NFE2L1: variants seen among roughly 807,000 people sequenced by gnomAD.
The protein encoded by NFE2L1 is endoplasmic reticulum membrane sensor NFE2L1.
A neutral mutation model predicts 61.6 loss-of-function variants in NFE2L1; 18 were observed. The observed-to-expected ratio is 0.29, with a 90% CI of 0.20 to 0.43. NFE2L1 has a LOEUF of 0.43. NFE2L1 is among the 20% of genes least tolerant of loss of function. NFE2L1 has a pLI of 1.00. For missense variants in NFE2L1, 827 were observed against 973.5 expected (o/e 0.85, Z 2.00); for synonymous variants, 419 against 402.7 (o/e 1.04, Z -0.48).
chr17:48,059,823 T>TCCACC lies in NFE2L1; in HGVS notation c.*183_*184insCACCC. ...CAGGCACTGGCTGGCTCAGCTCCAC[T>TCCACC]CGGGTGGAGTGGAAGTGGCCAGACC... On this transcript the variant is annotated 3_prime_UTR_variant, in exon 6 of 6. Transcript: ENST00000362042. The surrounding 1 kb of genome is among the most constrained non-coding windows in gnomAD (Gnocchi z 6.1). 2.3e-6 allele frequency: 2 copies of TCCACC among 870,000 alleles called. No individual in the cohort carries two copies. The highest frequency in any genetic ancestry group is 3.4e-6 in the Non-Finnish European group (2 of 595,322). The allele number at this position is 870,000 out of a possible 1,614,324, so 53.9% of individuals were successfully genotyped here.
rs1598294750 is a variant in NFE2L1, at chr17:48,059,303, C to T, written c.1981C>T (p.Arg661Trp). The change falls in exon 6 of 6, where the codon CGG becomes TGG. Residue 661 changes from arginine (R) to tryptophan (W), a missense_variant. Around this residue, in one of 3 missense-constraint regions of NFE2L1, gnomAD observed 74 missense variants for 127.8 expected, o/e 0.58. Transcript: ENST00000362042. The surrounding 1 kb of genome is among the most constrained non-coding windows in gnomAD (Gnocchi z 6.1). Reference protein sequence around the residue: ...QLSLIRDIRRRGKNKMAAQNC... With the variant: ...QLSLIRDIRRWGKNKMAAQNC... ...GAGCCTCATCCGAGACATCCGGCGC[C>T]GGGGCAAGAACAAGATGGCGGCGCA... is the stretch of plus-strand genomic sequence containing the variant. 2 of 1,614,182 alleles carry T rather than the reference C, an allele frequency of 1.2e-6. No individual in the cohort carries two copies. The highest frequency in any genetic ancestry group is 1.7e-6 in the Non-Finnish European group (2 of 1,180,044).
Position 48,059,823 on chromosome 17 carries a change from T to G in NFE2L1, c.*182T>G, listed in dbSNP as rs1014035448. The G allele has an allele frequency of 1.4e-4, 125 of 869,884 alleles. No individual in the cohort carries two copies. Among genetic ancestry groups the G allele is most frequent in the Middle Eastern group, 7.1e-4 (2 of 2,806 alleles). The allele number at this position is 869,884 out of a possible 1,614,324, so 53.9% of individuals were successfully genotyped here. ...CAGGCACTGGCTGGCTCAGCTCCAC[T>G]CGGGTGGAGTGGAAGTGGCCAGACC... On this transcript the variant is annotated 3_prime_UTR_variant, in exon 6 of 6. Transcript: ENST00000362042. The surrounding 1 kb of genome is among the most constrained non-coding windows in gnomAD (Gnocchi z 6.1).
Position 48,051,129 on chromosome 17 carries a change from T to C in NFE2L1, c.11T>C (p.Leu4Pro). MLS[L>P]KKYLTEGLLQ... is the part of the protein sequence containing the mutation. ...TCTGGTCCTTCAGCAATGCTTTCTC[T>C]GAAGAAATACTTAACGGAAGGACTT... Residue 4 changes from leucine to proline, a missense_variant, in exon 2 of 6, where the codon CTG (leucine) becomes CCG (proline). Leu to Pro is a moderately conservative substitution (Grantham distance 98). Coordinates refer to ENST00000362042, the MANE Select transcript of NFE2L1 (RefSeq NM_003204.3). 6.2e-7 allele frequency: 1 copy of C among 1,614,238 alleles called. No individual in the cohort carries two copies. Among genetic ancestry groups the C allele is most frequent in the Non-Finnish European group, 8.5e-7 (1 of 1,180,036 alleles).
Position 48,051,006 on chromosome 17 carries a change from G to T in NFE2L1, c.-113G>T, listed in dbSNP as rs2037234732. 7.6e-7 allele frequency: 1 copy of T among 1,319,312 alleles called. No individual in the cohort carries two copies. Among genetic ancestry groups the T allele is most frequent in the Non-Finnish European group, 1.1e-6 (1 of 939,776 alleles). 81.7% of individuals were successfully genotyped at this position (1,319,312 alleles called of 1,614,324 possible). A position where few individuals can be genotyped will look rare whatever the true frequency, so the allele number is the denominator to read the frequency against. On this transcript the variant is annotated 5_prime_UTR_variant, in exon 2 of 6. Coordinates refer to ENST00000362042, the MANE Select transcript of NFE2L1 (RefSeq NM_003204.3). ...TGTGTTCTGCCAGGGTGGGGTACGG[G>T]GTTTGACACTGAGGAGGGTAACCTG... is the stretch of plus-strand genomic sequence containing the variant.
rs1263704542 is a variant in NFE2L1, at chr17:48,058,580, C to T, written c.1258C>T (p.Pro420Ser). 27 of 1,613,664 alleles carry T rather than the reference C, an allele frequency of 1.7e-5. No homozygotes were observed. The highest frequency in any genetic ancestry group is 2.2e-5 in the East Asian group (1 of 44,892). Residue 420 changes from proline (P) to serine (S), a missense_variant, in exon 6 of 6, where the codon CCC becomes TCC. Transcript: ENST00000362042. ...STNLTGLFFP[P>S]QLNGTANDTA... ...CAACCTGACAGGGCTCTTCTTTCCACCCCAGCTCAATGGCACAGCCAATGA... is the reference window on the plus strand; with the variant it reads ...CAACCTGACAGGGCTCTTCTTTCCATCCCAGCTCAATGGCACAGCCAATGA...
At position 48,058,770 on chromosome 17, in the gene NFE2L1, C is replaced by T. The variant is rs1418911279; in HGVS notation, c.1448C>T (p.Ser483Leu). 5.6e-6 allele frequency: 9 copies of T among 1,614,174 alleles called. No homozygotes were observed. The highest frequency in any genetic ancestry group is 1.6e-4 in the Middle Eastern group (1 of 6,062). The change falls in exon 6 of 6, where the codon TCG becomes TTG. Residue 483 changes from serine (S) to leucine (L), a missense_variant. By Grantham distance (145) the Ser-to-Leu change is moderately radical (BLOSUM62 -2). This residue lies in a region of NFE2L1 where 667 missense variants were observed against 748.4 expected (regional missense o/e 0.89). Transcript: ENST00000362042. ...FDSDSGLSLD[S>L]SHSPSSLSSS... ...TCTGACTCAGGCCTTTCCTTAGACTCGAGCCATAGCCCTTCTTCCCTAAGC... is the reference window on the plus strand; with the variant it reads ...TCTGACTCAGGCCTTTCCTTAGACTTGAGCCATAGCCCTTCTTCCCTAAGC...
intron 2 of NFE2L1, among the ~76,000 whole-genome samples, chr17:48,053,287 T>A (rs559783849): frequency 1.3e-5 from 2 of 152,264 alleles, no homozygotes; most frequent in Admixed American, 6.5e-5. Context: ...TTGGCCCTCG[T>A]GAAGGTTGTG....
chr17:48,051,339 T>A lies in NFE2L1; in HGVS notation c.221T>A (p.Leu74Gln). ...GYGIHPKSID[L>Q]DNYFTARRLL... is the part of the protein sequence containing the mutation. ...GGTATCCACCCCAAGAGCATAGACC[T>A]GGACAATTACTTCACTGCCCGGCGG... The change falls in exon 2 of 6, where the codon CTG becomes CAG. Residue 74 changes from leucine to glutamine, a missense_variant. Transcript: ENST00000362042. The A allele has an allele frequency of 6.2e-7, 1 of 1,614,086 alleles. No homozygotes were observed. Among genetic ancestry groups the A allele is most frequent in the Non-Finnish European group, 8.5e-7 (1 of 1,180,008 alleles).
chr17:48,053,228 G>A (rs114925567), intron 2 of NFE2L1, among the ~76,000 whole-genome samples: 1 of 152,262 alleles, frequency 6.6e-6, no homozygotes, highest in African/African-American at 2.4e-5. Context: ...ATTATTGGGT[G>A]GGTTGGGGCC....
Position 48,056,581 on chromosome 17 carries a change from G to C in NFE2L1, c.706G>C (p.Glu236Gln). ...CCTGCTAGTGGATGGAGAGACTGGGGAGAGCTTCCCTGCACAGGTACCATC... is the reference window on the plus strand; with the variant it reads ...CCTGCTAGTGGATGGAGAGACTGGGCAGAGCTTCCCTGCACAGGTACCATC... Reference protein sequence around the residue: ...RNLLVDGETGESFPAQVPSGE... With the variant: ...RNLLVDGETGQSFPAQVPSGE... Residue 236 changes from glutamate to glutamine, a missense_variant, in exon 3 of 6, where the codon GAG becomes CAG. Coordinates refer to ENST00000362042, the MANE Select transcript of NFE2L1 (RefSeq NM_003204.3). 2.5e-6 allele frequency: 4 copies of C among 1,613,150 alleles called. No homozygotes were observed. The highest frequency in any genetic ancestry group is 3.4e-6 in the Non-Finnish European group (4 of 1,179,858).
In NFE2L1 at chr17:48,050,924, T is replaced by C; in HGVS notation, c.-195T>C. 1 of 641,800 alleles carries C rather than the reference T, an allele frequency of 1.6e-6. No homozygotes were observed. Among genetic ancestry groups the C allele is most frequent in the Non-Finnish European group, 2.7e-6 (1 of 367,904 alleles). The allele number at this position is 641,800 out of a possible 1,614,324, so 39.8% of individuals were successfully genotyped here. Reference sequence around the variant, plus strand: ...AGTGAATGTGGTCTGGAGTGTGTCCTTGGCCTTGGCTCCACAGGGTGTGCT... The same window carrying C: ...AGTGAATGTGGTCTGGAGTGTGTCCCTGGCCTTGGCTCCACAGGGTGTGCT... On this transcript the variant is annotated 5_prime_UTR_variant, in exon 2 of 6. Transcript: ENST00000362042.
chr17:48,049,945 G>A (rs1315346633), intron 1 of NFE2L1, among the ~76,000 whole-genome samples: 1 of 152,174 alleles, frequency 6.6e-6, no homozygotes, highest in Non-Finnish European at 1.5e-5. Flanking sequence ...ATAGAAGCTG[G>A]GTAATGCGCC....
At position 48,057,439 on chromosome 17, in the gene NFE2L1, G is replaced by T; in HGVS notation, c.909G>T (p.Gly303=). 2.5e-6 allele frequency: 4 copies of T among 1,614,176 alleles called. No individual in the cohort carries two copies. The highest frequency in any genetic ancestry group is 3.4e-6 in the Non-Finnish European group (4 of 1,180,034). Residue 303 remains glycine, a synonymous_variant, in exon 5 of 6, where the codon GGG becomes GGT. Transcript: ENST00000362042. ...QNNLLSPLLT[G]TESPFDLEQQ... is the part of the protein sequence containing the mutation. ...ACCTCTTGTCTCCTCTTCTGACCGG[G>T]ACAGAGTCACCATTTGATTTGGAAC...
intron 2 of NFE2L1, chr17:48,055,202 A>C: frequency 7.8e-7 from 1 of 1,289,176 alleles, no homozygotes. Flanking sequence ...TCTTAGGGTC[A>C]GGGGGGGTTA....
chr17:48,060,177 C>T lies in NFE2L1; in HGVS notation c.*536C>T, dbSNP rs2037519893. The T allele has an allele frequency of 6.6e-6, 1 of 150,752 alleles. No homozygotes were observed. 9.3% of individuals were successfully genotyped at this position (150,752 alleles called of 1,614,324 possible). ...TGGTGTGATAAACCCCAATTTTCAC[C>T]CCGGGGGGGGTGGGGTACACAGACA... On this transcript the variant is annotated 3_prime_UTR_variant, in exon 6 of 6. Coordinates refer to ENST00000362042, the MANE Select transcript of NFE2L1 (RefSeq NM_003204.3).
intron 2 of NFE2L1, among the ~76,000 whole-genome samples, chr17:48,055,437 G>T (rs1487913713): frequency 6.6e-6 from 1 of 152,122 alleles, no homozygotes; most frequent in Non-Finnish European, 1.5e-5. Flanking sequence ...GGCAGTTGGT[G>T]CAGCAACTGT....
chr17:48,057,031 G>C lies in NFE2L1; in HGVS notation c.724-1G>C. On this transcript the variant is annotated splice_acceptor_variant, in intron 3 of 5. Transcript: ENST00000362042. LOFTEE classifies it high-confidence loss of function. ...CAGACTTACAGTTCCTGTTGCCACA[G>C]GTGCCTAGTGGGGAGGACCAGACGG... 6.2e-7 allele frequency: 1 copy of C among 1,614,002 alleles called. No homozygotes were observed. Among genetic ancestry groups the C allele is most frequent in the Non-Finnish European group, 8.5e-7 (1 of 1,179,944 alleles).
At chr17:48,052,899 A>G (rs1364291129) in intron 2 of NFE2L1, among the ~76,000 whole-genome samples, 3 of 152,188 alleles carry the variant, frequency 2.0e-5, no homozygotes, top group Non-Finnish European at 4.4e-5. Flanking sequence ...TCTGTGCTCA[A>G]ATGGCTCATA....
chr17:48,056,393 A>C lies in NFE2L1; in HGVS notation c.518A>C (p.Asp173Ala). 6.2e-7 allele frequency: 1 copy of C among 1,614,072 alleles called. No individual in the cohort carries two copies. Among genetic ancestry groups the C allele is most frequent in the Non-Finnish European group, 8.5e-7 (1 of 1,179,994 alleles). The change falls in exon 3 of 6, where the codon GAT becomes GCT. Residue 173 changes from aspartate (D) to alanine (A), a missense_variant. Asp to Ala is a moderately radical substitution (Grantham distance 126). Around this residue, in one of 3 missense-constraint regions of NFE2L1, gnomAD observed 667 missense variants for 748.4 expected, o/e 0.89. Coordinates refer to ENST00000362042, the MANE Select transcript of NFE2L1 (RefSeq NM_003204.3). ...ATGTGATCTGTCTTTCAGGACATAG[A>C]TCTGATTGACATCCTTTGGCGACAG... ...VSGDLTKEDIDLIDILWRQDI... is the reference protein window; with the variant it reads ...VSGDLTKEDIALIDILWRQDI...
Sources: gnomAD v4.1 joint callset for allele counts (sites outside exome capture counted in the v4.1 genomes callset) on GRCh38, gnomAD v4.1.1 for gene constraint, gnomAD v4.1.1 regional missense constraint, Gnocchi (gnomAD v3.1) non-coding constraint, MANE v1.5 for transcripts, NCBI Gene and HGNC (gene_info 2026-07-23, HGNC 2026-07-21) for gene names.